The following GRM5 variants were observed in gnomAD, a reference collection of about 807,000 sequenced individuals.
The protein encoded by GRM5 is metabotropic glutamate receptor 5.
Under a neutral mutation model 83.1 loss-of-function variants are expected in GRM5, and 19 were observed. The observed-to-expected ratio is 0.23, with a 90% CI of 0.16 to 0.34. The LOEUF is 0.34. GRM5 is among the 10% of genes least tolerant of loss of function. The probability of loss-of-function intolerance (pLI) is 1.00; values close to 1 mark genes in which losing one functional copy is unlikely to be tolerated. For missense variants in GRM5, 1,160 were observed against 1,588.3 expected, an observed-to-expected ratio of 0.73 and a Z score of 4.58; for synonymous variants, 675 against 633.6, an observed-to-expected ratio of 1.07 and a Z score of -0.98.
chr11:88,734,393 G>T (rs1300364688), intron 3 of GRM5, among the ~76,000 whole-genome samples: 1 of 151,888 alleles, frequency 6.6e-6, no homozygotes, highest in African/African-American at 2.4e-5. Flanking sequence ...ATGTAAAATG[G>T]TACAGTAGCT....
At chr11:88,811,117 T>G (rs1367313578) in intron 3 of GRM5, among the ~76,000 whole-genome samples, 2 of 152,126 alleles carry the variant, frequency 1.3e-5, no homozygotes, top group Non-Finnish European at 1.5e-5. Flanking sequence ...TTTTCCATTC[T>G]CAAGATGCTA....
intron 3 of GRM5, among the ~76,000 whole-genome samples, chr11:88,844,994 A>C (rs1944272882): frequency 6.6e-6 from 1 of 152,250 alleles, no homozygotes; most frequent in Non-Finnish European, 1.5e-5. Flanking sequence ...TTGAAATGAC[A>C]ACAAAGAATT....
chr11:88,698,272 G>C (rs1041826827), intron 3 of GRM5, among the ~76,000 whole-genome samples: 4 of 152,110 alleles, frequency 2.6e-5, no homozygotes, highest in African/African-American at 9.7e-5. Context: ...CCATGCTCTT[G>C]TTTGGTCTCT....
chr11:88,887,321 G>C (rs184724445), intron 2 of GRM5, among the ~76,000 whole-genome samples: 1 of 152,238 alleles, frequency 6.6e-6, no homozygotes, highest in East Asian at 1.9e-4. Flanking sequence ...TTCTCTAAGG[G>C]AAAACGCTTT....
intron 3 of GRM5, among the ~76,000 whole-genome samples, chr11:88,699,645 G>T (rs1940982725): frequency 6.6e-6 from 1 of 152,194 alleles, no homozygotes; most frequent in Non-Finnish European, 1.5e-5. Context: ...ACTTCAAATA[G>T]AGACAACTCT....
intron 8 of GRM5, among the ~76,000 whole-genome samples, chr11:88,556,783 C>T (rs554589892): frequency 5.9e-5 from 9 of 152,076 alleles, no homozygotes; most frequent in Non-Finnish European, 1.3e-4. Flanking sequence ...TGCATGTCTT[C>T]GCTGACAAGG....
At chr11:88,889,820 G>A (rs976262140) in intron 2 of GRM5, among the ~76,000 whole-genome samples, 1 of 152,110 alleles carries the variant, frequency 6.6e-6, no homozygotes, top group African/African-American at 2.4e-5. Context: ...AACAGAGGAG[G>A]TGCCACAGAC....
At chr11:88,922,119 T>TG (rs1428987910) in intron 2 of GRM5, among the ~76,000 whole-genome samples, 1 of 152,156 alleles carries the variant, frequency 6.6e-6, no homozygotes, top group Non-Finnish European at 1.5e-5. Context: ...ATTTTATATT[T>TG]ATGGATTGGA....
chr11:88,604,942 A>C lies in GRM5; in HGVS notation c.1170T>G (p.His390Gln). 2 of 1,612,886 alleles carry C rather than the reference A, an allele frequency of 1.2e-6. No homozygotes were observed. The highest frequency in any genetic ancestry group is 1.7e-6 in the Non-Finnish European group (2 of 1,178,988). ...TCNSSLTLKT[H>Q]HVQDSKMGFV... is the part of the protein sequence containing the mutation. ...ATCCCATTTTGGAATCCTGAACATG[A>C]TGTGTTTTCAGAGTCAGAGAACCTG... Residue 390 changes from histidine to glutamine, a missense_variant, in exon 5 of 10, where the codon CAT becomes CAG. Physicochemically the swap from His to Gln is conservative, Grantham distance 24. This residue lies in a region of GRM5 where 132 missense variants were observed against 197.6 expected (regional missense o/e 0.67). Coordinates refer to ENST00000305447, the MANE Select transcript of GRM5 (RefSeq NM_001143831.3).
At chr11:88,627,559 T>A (rs1338548129) in intron 4 of GRM5, among the ~76,000 whole-genome samples, 1 of 152,172 alleles carries the variant, frequency 6.6e-6, no homozygotes, top group Non-Finnish European at 1.5e-5. Context: ...AACAGCCACA[T>A]GTGCATATTT....
intron 2 of GRM5, among the ~76,000 whole-genome samples, chr11:89,005,245 T>C (rs182431896): frequency 6.6e-6 from 1 of 152,364 alleles, no homozygotes; most frequent in East Asian, 1.9e-4. Context: ...TCAGAGCTTG[T>C]TGAAAGACTC....
intron 8 of GRM5, among the ~76,000 whole-genome samples, chr11:88,557,907 A>T (rs956163833): frequency 1.3e-5 from 2 of 151,652 alleles, no homozygotes; most frequent in Non-Finnish European, 2.9e-5. Context: ...TTGAGATTCA[A>T]CTCAAGTGTC....
At chr11:89,007,065 G>T (rs567014628) in intron 2 of GRM5, among the ~76,000 whole-genome samples, 1 of 152,282 alleles carries the variant, frequency 6.6e-6, no homozygotes, top group African/African-American at 2.4e-5. Flanking sequence ...CCAAAGTGCT[G>T]GGATTACAGG....
intron 2 of GRM5, among the ~76,000 whole-genome samples, chr11:89,024,071 T>C (rs1941064119): frequency 6.6e-6 from 1 of 151,630 alleles, no homozygotes; most frequent in South Asian, 2.1e-4. Context: ...CAAAAATTAG[T>C]TGGGCGTGGT....
intron 3 of GRM5, among the ~76,000 whole-genome samples, chr11:88,712,258 G>T (rs1941299481): frequency 6.6e-6 from 1 of 151,858 alleles, no homozygotes; most frequent in African/African-American, 2.4e-5. Flanking sequence ...TATTTTTGTT[G>T]AATATTTGAA....
chr11:88,901,419 C>G (rs1945314096), intron 2 of GRM5, among the ~76,000 whole-genome samples: 1 of 152,026 alleles, frequency 6.6e-6, no homozygotes, highest in Admixed American at 6.6e-5. Flanking sequence ...TAGGAAAGAC[C>G]TGAGGTAGAA....
Position 89,022,571 on chromosome 11 carries a change from A to C in GRM5, c.661+24641T>G, listed in dbSNP as rs1941012933. On this transcript the variant is annotated intron_variant, in intron 2 of 9. Coordinates refer to ENST00000305447, the MANE Select transcript of GRM5 (RefSeq NM_001143831.3). ...GGAGGCAGAGGTAGGAGAATTGCTT[A>C]AACCTGGGAGGCGGGGATTGCAGTG... 3.9e-5 allele frequency among the ~76,000 whole-genome samples: 6 copies of C among 152,028 alleles called. No individual in the cohort carries two copies. In the South Asian group the frequency reaches 1.0e-3, roughly 26 times the overall value.
intron 6 of GRM5, among the ~76,000 whole-genome samples, chr11:88,594,783 C>T (rs1331236971): frequency 2.0e-5 from 3 of 152,114 alleles, no homozygotes; most frequent in Non-Finnish European, 4.4e-5. Context: ...ACATGAAATG[C>T]CTTCTAAACA....
chr11:88,723,556 C>A (rs1178404617), intron 3 of GRM5, among the ~76,000 whole-genome samples: 1 of 151,966 alleles, frequency 6.6e-6, no homozygotes, highest in Non-Finnish European at 1.5e-5. Context: ...GTCTCTCAAA[C>A]AAATGGTTGT....
Sources: gnomAD v4.1 joint callset for allele counts (sites outside exome capture counted in the v4.1 genomes callset) on GRCh38, gnomAD v4.1.1 for gene constraint, gnomAD v4.1.1 regional missense constraint, MANE v1.5 for transcripts, NCBI Gene and HGNC (gene_info 2026-07-23, HGNC 2026-07-21) for gene names.